Variants in FAT3 observed in about 807,000 individuals in gnomAD.
FAT3 encodes protocadherin Fat 3.
A neutral mutation model predicts 310.2 loss-of-function variants in FAT3; 95 were observed. The observed-to-expected ratio is 0.31, with a 90% CI of 0.26 to 0.36. The LOEUF (loss-of-function observed/expected upper bound fraction) is 0.36, where lower values mean the gene tolerates loss of function less well. Among genes scored for constraint, FAT3 ranks in the 10% least tolerant of loss-of-function variants. FAT3 has a pLI of 1.00. For synonymous variants in FAT3, 2,314 were observed against 2,192.9 expected (o/e 1.06, Z -1.54); for missense variants, 5,408 against 5,715.6 (o/e 0.95, Z 1.74).
chr11:92,750,487 C>T (rs991861392), intron 4 of FAT3, among the ~76,000 whole-genome samples: 2 of 152,144 alleles, frequency 1.3e-5, no homozygotes, highest in Admixed American at 6.5e-5. Flanking sequence ...ATGAGCTGAG[C>T]AGAGGAGCTT....
intron 2 of FAT3, among the ~76,000 whole-genome samples, chr11:92,446,917 T>G (rs1951225712): frequency 6.6e-6 from 1 of 152,190 alleles, no homozygotes; most frequent in African/African-American, 2.4e-5. Flanking sequence ...GTCATTTGAG[T>G]TGATAGATTT....
intron 1 of FAT3, among the ~76,000 whole-genome samples, chr11:92,263,187 G>A (rs1865627459): frequency 6.6e-6 from 1 of 151,874 alleles, no homozygotes; most frequent in Non-Finnish European, 1.5e-5. Flanking sequence ...AATCCTGTGA[G>A]GGTTGAGTGT....
At chr11:92,332,881 C>T (rs142867089) in intron 1 of FAT3, among the ~76,000 whole-genome samples, 214 of 152,206 alleles carry the variant, frequency 1.4e-3, no homozygotes, top group Middle Eastern at 0.01. Flanking sequence ...TGTTTCCTTG[C>T]TTTATAGTAT....
At chr11:92,582,218 T>C (rs550412493) in intron 3 of FAT3, among the ~76,000 whole-genome samples, 9 of 151,984 alleles carry the variant, frequency 5.9e-5, no homozygotes, top group African/African-American at 2.2e-4. Context: ...CAACCTGTTT[T>C]ATCAGCAAGG....
chr11:92,568,490 A>G (rs1355772323), intron 3 of FAT3, among the ~76,000 whole-genome samples: 2 of 152,164 alleles, frequency 1.3e-5, no homozygotes, highest in African/African-American at 2.4e-5. Flanking sequence ...GATGCTAGCA[A>G]TGGAAAGAAC....
At chr11:92,837,251 A>T (rs1948430796) in intron 16 of FAT3, among the ~76,000 whole-genome samples, 1 of 152,202 alleles carries the variant, frequency 6.6e-6, no homozygotes, top group Admixed American at 6.5e-5. Context: ...CATGCTCATA[A>T]CCCCAGAAAT....
intron 15 of FAT3, 102 bp downstream of exon 15, chr11:92,835,186 C>A (rs1406176184): frequency 3.2e-6 from 3 of 951,880 alleles, no homozygotes; most frequent in Non-Finnish European, 4.7e-6. Flanking sequence ...CTTCACACTT[C>A]CCCCTTTCAG....
rs772488577 is a variant in FAT3, at chr11:92,352,407, A to G, written c.295A>G (p.Ile99Val). Residue 99 changes from isoleucine to valine, a missense_variant, in exon 2 of 28, where the codon ATT (isoleucine) becomes GTT (valine). Physicochemically the swap from Ile to Val is conservative, Grantham distance 29. This residue lies in a region of FAT3 where 152 missense variants were observed against 188.3 expected (regional missense o/e 0.81). Coordinates refer to ENST00000525166, the MANE Select transcript of FAT3 (RefSeq NM_001367949.2). The part of the protein sequence containing the change: ...EGFFKAEEVI[I>V]ADFCFLRIRT... ...CTTTTTCAAAGCAGAGGAAGTCATC[A>G]TTGCAGATTTCTGTTTTCTCAGAAT... 1.2e-6 allele frequency: 2 copies of G among 1,611,706 alleles called. No homozygotes were observed. The highest frequency in any genetic ancestry group is 2.2e-5 in the South Asian group (2 of 90,228).
intron 1 of FAT3, chr11:92,314,286 T>C (rs1947379660): frequency 1.0e-6 from 1 of 982,986 alleles, no homozygotes; most frequent in Non-Finnish European, 1.2e-6. Context: ...AAGGTTCAGA[T>C]GAGAACATGG....
At chr11:92,237,921 T>C (rs906016901) in intron 1 of FAT3, among the ~76,000 whole-genome samples, 1 of 152,086 alleles carries the variant, frequency 6.6e-6, no homozygotes, top group Non-Finnish European at 1.5e-5. Flanking sequence ...AAAATAGCTA[T>C]GATTTATTGA....
chr11:92,512,930 GGC>G (rs1591385867), intron 2 of FAT3, among the ~76,000 whole-genome samples: 1 of 99,104 alleles, frequency 1.0e-5, no homozygotes, highest in African/African-American at 4.5e-5. Flanking sequence ...AGACCATCCT[GGC>G]TAACACGGTG....
intron 17 of FAT3, among the ~76,000 whole-genome samples, chr11:92,838,804 C>G (rs540831548): frequency 9.9e-5 from 15 of 152,256 alleles, no homozygotes; most frequent in South Asian, 6.2e-4. Context: ...ACCCCAGGGC[C>G]ACTGAGCTGT....
At chr11:92,313,294 C>T (rs978069865) in intron 1 of FAT3, among the ~76,000 whole-genome samples, 2 of 152,186 alleles carry the variant, frequency 1.3e-5, no homozygotes, top group Non-Finnish European at 2.9e-5. Context: ...TCTGGGACTA[C>T]CAACTTTCTG....
Position 92,810,051 on chromosome 11 carries a change from A to G in FAT3, c.9456A>G (p.Arg3152=). 4.3e-6 allele frequency: 7 copies of G among 1,613,876 alleles called. No individual in the cohort carries two copies. Among genetic ancestry groups the G allele is most frequent in the Non-Finnish European group, 5.9e-6 (7 of 1,179,818 alleles). ...ENTATKALLT[R]VQAVDPDIGI... Reference sequence around the variant, plus strand: ...CAGCCACCAAGGCTCTGTTGACCAGAGTTCAAGCCGTGGACCCCGACATTG... The same window carrying G: ...CAGCCACCAAGGCTCTGTTGACCAGGGTTCAAGCCGTGGACCCCGACATTG... The change falls in exon 13 of 28, where the codon AGA becomes AGG. Residue 3152 remains arginine (R), a synonymous_variant. Transcript: ENST00000525166.
intron 2 of FAT3, among the ~76,000 whole-genome samples, chr11:92,440,675 T>G (rs774622685): frequency 3.3e-5 from 5 of 152,156 alleles, no homozygotes; most frequent in Non-Finnish European, 7.3e-5. Context: ...TAAAGTAGAA[T>G]GCCATGAAGT....
At chr11:92,712,386 G>A (rs967597383) in intron 4 of FAT3, among the ~76,000 whole-genome samples, 6 of 152,110 alleles carry the variant, frequency 3.9e-5, no homozygotes, top group Admixed American at 3.3e-4. Context: ...TTGAAATGTG[G>A]TTTTCACGGA....
intron 3 of FAT3, among the ~76,000 whole-genome samples, chr11:92,679,841 CA>C (rs71064721): frequency 0.019 from 1,091 of 57,126 alleles, 5 homozygotes; most frequent in African/African-American, 0.059. Context: ...GACTCCATCT[CA>C]AAAAAAAAAA....
chr11:92,297,002 CA>C (rs1419680971), intron 1 of FAT3, among the ~76,000 whole-genome samples: 1 of 152,066 alleles, frequency 6.6e-6, no homozygotes, highest in African/African-American at 2.4e-5. Context: ...AAATAAGCAG[CA>C]AAATTAGAGC....
intron 1 of FAT3, among the ~76,000 whole-genome samples, chr11:92,279,479 A>G (rs1412480934): frequency 6.6e-6 from 1 of 152,162 alleles, no homozygotes; most frequent in African/African-American, 2.4e-5. Flanking sequence ...TAAGTGCTTC[A>G]CATGTATTAA....
Sources: allele counts gnomAD v4.1 joint callset (sites outside exome capture counted in the v4.1 genomes callset), GRCh38; gene constraint gnomAD v4.1.1; regional missense constraint gnomAD v4.1.1; transcripts MANE v1.5; gene names NCBI Gene and HGNC (gene_info 2026-07-23, HGNC 2026-07-21).